Variants in DCLK1 observed in about 807,000 individuals in gnomAD.
DCLK1 encodes the protein doublecortin like kinase 1, also known as serine/threonine-protein kinase DCLK1.
DCLK1 carries 16 observed loss-of-function variants against 86.2 expected under a neutral mutation model. The observed-to-expected ratio is 0.19, with a 90% CI of 0.13 to 0.28. The LOEUF (loss-of-function observed/expected upper bound fraction) is 0.28. DCLK1 is among the 10% of genes least tolerant of loss of function. The pLI, the probability that DCLK1 is intolerant of heterozygous loss-of-function variation, is 1.00. For missense variants in DCLK1, 590 were observed against 940.2 expected (o/e 0.63, Z 4.87); for synonymous variants, 369 against 370.5 (o/e 1.00, Z 0.05).
chr13:35,875,711 C>T (rs771000124), intron 4 of DCLK1, among the ~76,000 whole-genome samples: 7 of 152,052 alleles, frequency 4.6e-5, no homozygotes, highest in South Asian at 2.1e-4. Context: ...TTTATTAGTC[C>T]GTCTCCCCAC....
In DCLK1 at chr13:35,910,755, G is replaced by A. The variant is rs558974063; in HGVS notation, c.823+36603C>T. 7.2e-5 allele frequency among the ~76,000 whole-genome samples: 11 copies of A among 152,316 alleles called. No individual in the cohort carries two copies. The East Asian group carries it at 1.9e-3, about 27-fold the overall frequency. ...GTAATGAACTGACATCCAGAGAACA[G>A]ACCAGAAATTGCTGGAGGCAGGAAG... On this transcript the variant is annotated intron_variant, in intron 4 of 16. Coordinates refer to ENST00000360631, the MANE Select transcript of DCLK1 (RefSeq NM_001330071.2).
intron 16 of DCLK1, among the ~76,000 whole-genome samples, chr13:35,777,590 T>C (rs1314522778): frequency 6.6e-6 from 1 of 152,166 alleles, no homozygotes; most frequent in Admixed American, 6.5e-5. Context: ...ACATTGATGA[T>C]CAGAGAAACT....
In DCLK1 at chr13:35,808,207, A is replaced by T; in HGVS notation, c.1863+17T>A. On this transcript the variant is annotated intron_variant, in intron 14 of 16. Coordinates refer to ENST00000360631, the MANE Select transcript of DCLK1 (RefSeq NM_001330071.2). ...GACACACAGAATATAGGGAAGAGGA[A>T]GGCACTGGACACCTACCTTTGCAGA... The T allele has an allele frequency of 6.2e-7, 1 of 1,606,394 alleles. No individual in the cohort carries two copies. Among genetic ancestry groups the T allele is most frequent in the Non-Finnish European group, 8.5e-7 (1 of 1,172,988 alleles).
At chr13:35,821,185 C>T (rs1255426386) in intron 11 of DCLK1, among the ~76,000 whole-genome samples, 4 of 152,150 alleles carry the variant, frequency 2.6e-5, no homozygotes, top group Non-Finnish European at 5.9e-5. Context: ...TGAAATGAAA[C>T]AGTAATAGAA....
chr13:35,977,532 T>C (rs549380827), intron 3 of DCLK1, among the ~76,000 whole-genome samples: 2 of 152,308 alleles, frequency 1.3e-5, no homozygotes, highest in East Asian at 3.9e-4. Context: ...CTAATTAAAG[T>C]ACAGAAATGC....
intron 3 of DCLK1, among the ~76,000 whole-genome samples, chr13:35,979,746 G>A (rs1392954344): frequency 6.6e-6 from 1 of 152,188 alleles, no homozygotes; most frequent in East Asian, 1.9e-4. Context: ...TTTTTGCAAT[G>A]TGGTACCCTG....
intron 3 of DCLK1, among the ~76,000 whole-genome samples, chr13:36,096,625 A>T (rs1396427626): frequency 1.3e-5 from 2 of 152,210 alleles, no homozygotes; most frequent in Non-Finnish European, 2.9e-5. Context: ...TTATGAAATA[A>T]TTGGATCTCA....
chr13:35,934,607 C>A (rs1258652711), intron 4 of DCLK1, among the ~76,000 whole-genome samples: 1 of 152,086 alleles, frequency 6.6e-6, no homozygotes, highest in South Asian at 2.1e-4. Context: ...GAAACTGCAC[C>A]CACGATTCAA....
At chr13:35,935,467 T>C (rs1465104144) in intron 4 of DCLK1, among the ~76,000 whole-genome samples, 1 of 152,004 alleles carries the variant, frequency 6.6e-6, no homozygotes, top group Non-Finnish European at 1.5e-5. Context: ...AGATGGGCTA[T>C]GGGGAGTAAA....
At chr13:35,842,629 A>G (rs1369726740) in intron 6 of DCLK1, among the ~76,000 whole-genome samples, 1 of 152,206 alleles carries the variant, frequency 6.6e-6, no homozygotes, top group African/African-American at 2.4e-5. Context: ...ATTCACTTCA[A>G]GATCTTACTG....
chr13:36,031,181 A>T (rs1340867338), intron 3 of DCLK1, among the ~76,000 whole-genome samples: 1 of 152,166 alleles, frequency 6.6e-6, no homozygotes, highest in Non-Finnish European at 1.5e-5. Context: ...TTGAATCTGG[A>T]TTTGACTTTG....
intron 3 of DCLK1, among the ~76,000 whole-genome samples, chr13:36,024,710 C>CT (rs958301310): frequency 8.6e-5 from 13 of 150,840 alleles, no homozygotes; most frequent in East Asian, 5.9e-4. Context: ...TCTCAGCTGC[C>CT]TTTTTTTTTG....
chr13:35,768,802 T>G lies in DCLK1; in HGVS notation c.*5733A>C, dbSNP rs562812506. 22 of 152,336 alleles carry G rather than the reference T, an allele frequency of 1.4e-4. No homozygotes were observed. The highest frequency in any genetic ancestry group is 4.8e-4 in the African/African-American group (20 of 41,580). The allele number at this position is 152,336 out of a possible 1,614,324, so 9.4% of individuals were successfully genotyped here. A position where few individuals can be genotyped will look rare whatever the true frequency, so the allele number is the denominator to read the frequency against. ...TGGAGGACATGTGGGAAAGCTACACTCTGACCGCATGACTAATTTTTAAAG... is the reference window on the plus strand; with the variant it reads ...TGGAGGACATGTGGGAAAGCTACACGCTGACCGCATGACTAATTTTTAAAG... On this transcript the variant is annotated 3_prime_UTR_variant, in exon 17 of 17. Coordinates refer to ENST00000360631, the MANE Select transcript of DCLK1 (RefSeq NM_001330071.2).
intron 3 of DCLK1, among the ~76,000 whole-genome samples, chr13:35,969,668 A>G (rs913036799): frequency 6.6e-6 from 1 of 152,160 alleles, no homozygotes; most frequent in Non-Finnish European, 1.5e-5. Flanking sequence ...CTCTTTCCCT[A>G]AGAAACGCTG....
intron 3 of DCLK1, among the ~76,000 whole-genome samples, chr13:36,095,647 C>G (rs1884988326): frequency 6.6e-6 from 1 of 152,114 alleles, no homozygotes; most frequent in Non-Finnish European, 1.5e-5. Flanking sequence ...ATTCCACCAC[C>G]CCTTCCCCCA....
chr13:36,063,307 G>T (rs953982227), intron 3 of DCLK1, among the ~76,000 whole-genome samples: 4 of 152,038 alleles, frequency 2.6e-5, no homozygotes, highest in Non-Finnish European at 5.9e-5. Context: ...GGGTCCCAGG[G>T]ATATTACAAG....
At chr13:35,778,918 G>A (rs1336953640) in intron 16 of DCLK1, among the ~76,000 whole-genome samples, 2 of 152,170 alleles carry the variant, frequency 1.3e-5, no homozygotes, top group Non-Finnish European at 2.9e-5. Context: ...ATGTATCTCT[G>A]AATGTACTTT....
intron 4 of DCLK1, among the ~76,000 whole-genome samples, chr13:35,876,158 GA>G (rs949215548): frequency 1.2e-4 from 18 of 152,034 alleles, no homozygotes; most frequent in Non-Finnish European, 1.8e-4. Context: ...TAGTATATCA[GA>G]AAAAAAGAGA....
chr13:36,074,158 T>C (rs1301305686), intron 3 of DCLK1, among the ~76,000 whole-genome samples: 1 of 152,122 alleles, frequency 6.6e-6, no homozygotes, highest in Non-Finnish European at 1.5e-5. Context: ...TCTTAGCTTC[T>C]TTCATTATTG....
Sources: allele counts gnomAD v4.1 joint callset (sites outside exome capture counted in the v4.1 genomes callset), GRCh38; gene constraint gnomAD v4.1.1; transcripts MANE v1.5; gene names NCBI Gene and HGNC (gene_info 2026-07-23, HGNC 2026-07-21).